The following NKAIN2 variants were observed in gnomAD, a reference collection of about 807,000 sequenced individuals.
NKAIN2 encodes the protein sodium/potassium-transporting ATPase subunit beta-1-interacting protein 2.
Under a neutral mutation model 32.6 loss-of-function variants are expected in NKAIN2, and 14 were observed. The observed-to-expected ratio is 0.43, with a 90% confidence interval of 0.28 to 0.67. NKAIN2 has a LOEUF of 0.67. Ranked by LOEUF, NKAIN2 falls within the 30% of genes least tolerant of loss-of-function variation. NKAIN2 has a pLI of 0.17. For synonymous variants in NKAIN2, 80 were observed against 87.2 expected (o/e 0.92, Z 0.46); for missense variants, 198 against 258.3 (o/e 0.77, Z 1.60).
chr6:124,564,114 C>A (rs538738707), intron 3 of NKAIN2, among the ~76,000 whole-genome samples: 1 of 152,038 alleles, frequency 6.6e-6, no homozygotes, highest in Non-Finnish European at 1.5e-5. Context: ...AGGAAGTGAC[C>A]GGTGAAGCCA....
chr6:124,657,738 G>A (rs1784590796), intron 3 of NKAIN2, among the ~76,000 whole-genome samples: 1 of 151,692 alleles, frequency 6.6e-6, no homozygotes, highest in Non-Finnish European at 1.5e-5. Flanking sequence ...AAATGTTGCA[G>A]AATTGAAGTA....
chr6:124,367,419 A>G (rs572176724), intron 3 of NKAIN2, among the ~76,000 whole-genome samples: 4 of 152,224 alleles, frequency 2.6e-5, no homozygotes, highest in Non-Finnish European at 5.9e-5. Context: ...CCCCTCCACT[A>G]TTGCATGGAT....
intron 3 of NKAIN2, among the ~76,000 whole-genome samples, chr6:124,520,316 A>C (rs1779074867): frequency 6.6e-6 from 1 of 152,108 alleles, no homozygotes; most frequent in African/African-American, 2.4e-5. Flanking sequence ...ACTTGATTTA[A>C]ATGTTTTGTT....
chr6:123,930,934 T>A (rs1250146410), intron 1 of NKAIN2, among the ~76,000 whole-genome samples: 1 of 152,166 alleles, frequency 6.6e-6, no homozygotes, highest in Non-Finnish European at 1.5e-5. Context: ...GAAGGATGAT[T>A]ATTCTGGACA....
At chr6:124,470,240 G>A (rs570893269) in intron 3 of NKAIN2, among the ~76,000 whole-genome samples, 1 of 152,098 alleles carries the variant, frequency 6.6e-6, no homozygotes, top group Non-Finnish European at 1.5e-5. Context: ...GGTGAGAGAC[G>A]AGGCAGGAGA....
chr6:123,833,273 T>A (rs763523783), intron 1 of NKAIN2, among the ~76,000 whole-genome samples: 1 of 151,854 alleles, frequency 6.6e-6, no homozygotes. Context: ...GGTCTTTCTG[T>A]GCTATTTTGT....
chr6:124,758,657 A>G (rs1778077918), intron 4 of NKAIN2, among the ~76,000 whole-genome samples: 1 of 152,124 alleles, frequency 6.6e-6, no homozygotes, highest in African/African-American at 2.4e-5. Context: ...TCTGTCTCCT[A>G]CACTATCCAT....
chr6:124,606,005 A>G (rs960375233), intron 3 of NKAIN2, among the ~76,000 whole-genome samples: 19 of 152,056 alleles, frequency 1.2e-4, no homozygotes, highest in African/African-American at 4.6e-4. Flanking sequence ...CTCCTTTGGG[A>G]TATAAAGGCA....
intron 1 of NKAIN2, among the ~76,000 whole-genome samples, chr6:124,130,207 C>A (rs1275861199): frequency 1.3e-5 from 2 of 152,128 alleles, no homozygotes; most frequent in Non-Finnish European, 1.5e-5. Context: ...TCCCATTACC[C>A]AGGCAAAGGG....
At position 124,071,419 on chromosome 6, in the gene NKAIN2, A is replaced by G. The variant is rs1783462687; in HGVS notation, c.55-211586A>G. Among the ~76,000 whole-genome samples the G allele has an allele frequency of 2.0e-5, 3 of 152,182 alleles. No individual in the cohort carries two copies. In the South Asian group the frequency reaches 6.2e-4, roughly 31 times the overall value. ...TTCTAGACATCAGACTTTGGAAATA[A>G]TTTATTATTACTAAGTCCTCAAAAG... On this transcript the variant is annotated intron_variant, in intron 1 of 6. Transcript: ENST00000368417.
At chr6:124,265,513 C>T (rs183757501) in intron 1 of NKAIN2, among the ~76,000 whole-genome samples, 104 of 152,174 alleles carry the variant, frequency 6.8e-4, no homozygotes, top group African/African-American at 2.4e-3. Flanking sequence ...AACAAATAGC[C>T]TAAAATTGGC....
At chr6:124,346,351 C>G (rs574280938) in intron 2 of NKAIN2, among the ~76,000 whole-genome samples, 30 of 152,102 alleles carry the variant, frequency 2.0e-4, no homozygotes, top group Admixed American at 1.7e-3. Context: ...CTATTAGGTC[C>G]GCTTGGTGCA....
intron 1 of NKAIN2, among the ~76,000 whole-genome samples, chr6:124,131,109 T>C (rs1786451572): frequency 6.6e-6 from 1 of 152,178 alleles, no homozygotes; most frequent in Admixed American, 6.5e-5. Context: ...TACTTTACCC[T>C]CCACGAGAAA....
intron 1 of NKAIN2, among the ~76,000 whole-genome samples, chr6:124,240,247 T>A (rs1793010594): frequency 6.6e-6 from 1 of 152,114 alleles, no homozygotes; most frequent in Admixed American, 6.6e-5. Flanking sequence ...ATTGAGGCAG[T>A]AATTAATAGC....
chr6:124,461,590 A>G (rs117385838), intron 3 of NKAIN2, among the ~76,000 whole-genome samples: 2,142 of 151,950 alleles, frequency 0.014, 27 homozygotes, highest in Middle Eastern at 0.02. Context: ...TACCTGTTAC[A>G]AATTATATAT....
intron 4 of NKAIN2, among the ~76,000 whole-genome samples, chr6:124,770,557 C>T (rs942419962): frequency 6.6e-6 from 1 of 152,038 alleles, no homozygotes; most frequent in Non-Finnish European, 1.5e-5. Flanking sequence ...ATTTTAACTG[C>T]CTCTGCATGT....
intron 1 of NKAIN2, among the ~76,000 whole-genome samples, chr6:123,894,651 T>G (rs1774184826): frequency 6.6e-6 from 1 of 152,008 alleles, no homozygotes; most frequent in South Asian, 2.1e-4. Flanking sequence ...GGACAGCTCT[T>G]GGGGGACTTT....
At chr6:124,099,223 C>T (rs540069712) in intron 1 of NKAIN2, among the ~76,000 whole-genome samples, 1 of 151,754 alleles carries the variant, frequency 6.6e-6, no homozygotes, top group African/African-American at 2.4e-5. Flanking sequence ...TATGGCATGC[C>T]CTTTAGAGAT....
At chr6:124,666,694 G>A (rs1772813393) in intron 4 of NKAIN2, among the ~76,000 whole-genome samples, 1 of 152,044 alleles carries the variant, frequency 6.6e-6, no homozygotes, top group African/African-American at 2.4e-5. Context: ...GTGGTTCTGT[G>A]AGCAAAGTGC....
Sources: allele counts gnomAD v4.1 joint callset (sites outside exome capture counted in the v4.1 genomes callset), GRCh38; gene constraint gnomAD v4.1.1; transcripts MANE v1.5; gene names NCBI Gene and HGNC (gene_info 2026-07-23, HGNC 2026-07-21).